The following LRP2 variants were observed in gnomAD, a reference collection of about 807,000 sequenced individuals.
The protein encoded by LRP2 is low-density lipoprotein receptor-related protein 2.
LRP2 carries 172 observed loss-of-function variants against 531.0 expected under a neutral mutation model. The observed-to-expected ratio is 0.32, with a 90% CI of 0.29 to 0.37. The LOEUF (loss-of-function observed/expected upper bound fraction) is 0.37. LRP2 is among the 10% of genes least tolerant of loss of function. The pLI is 1.00. For missense variants in LRP2, 5,167 were observed against 5,868.3 expected (o/e 0.88, Z 3.90); for synonymous variants, 1,992 against 2,027.6 (o/e 0.98, Z 0.47).
intron 40 of LRP2, 142 bp from the exon 41 acceptor site, chr2:169,205,779 CA>C: frequency 2.1e-6 from 2 of 964,616 alleles, no homozygotes; most frequent in South Asian, 2.8e-5. Flanking sequence ...ACAACTTGTC[CA>C]AAGGAGATCT....
At chr2:169,274,699 A>G (rs919658624) in intron 14 of LRP2, among the ~76,000 whole-genome samples, 2 of 152,164 alleles carry the variant, frequency 1.3e-5, no homozygotes, top group Non-Finnish European at 2.9e-5. Context: ...AGTTTGAAAT[A>G]GATGTCTTTC....
At position 169,220,547 on chromosome 2, in the gene LRP2, C is replaced by T. The variant is rs1442050650; in HGVS notation, c.5555G>A (p.Gly1852Glu). The T allele has an allele frequency of 1.9e-6, 3 of 1,611,950 alleles. No homozygotes were observed. The highest frequency in any genetic ancestry group is 1.1e-5 in the South Asian group (1 of 90,930). ...TQSIEVLTLH[G>E]DIRYRKTLIA... ...CAATGTTTTTCTGTATCTGATATCT[C>T]CGTGGAGTGTCAAAACCTATAGCAT... is the stretch of plus-strand genomic sequence containing the variant. The change falls in exon 34 of 79, where the codon GGA becomes GAA. Residue 1852 changes from glycine to glutamate, a missense_variant. Gly to Glu is a moderately conservative substitution (Grantham distance 98). Transcript: ENST00000649046.
intron 16 of LRP2, among the ~76,000 whole-genome samples, chr2:169,268,364 T>C (rs965069563): frequency 6.6e-6 from 1 of 152,120 alleles, no homozygotes; most frequent in African/African-American, 2.4e-5. Context: ...CTCAATAAAA[T>C]ACTGGCAAAC....
Position 169,277,954 on chromosome 2 carries a change from A to G in LRP2, c.1566-3T>C, listed in dbSNP as rs772111926. ...CCCAATCTGAGAAAAATAAATAACT[A>G]CAAAAGAAAAACAGAAGATGAAAGA... On this transcript the variant is annotated splice_region_variant and splice_polypyrimidine_tract_variant and intron_variant, in intron 12 of 78. Transcript: ENST00000649046. 1 of 1,610,168 alleles carries G rather than the reference A, an allele frequency of 6.2e-7. No individual in the cohort carries two copies. The highest frequency in any genetic ancestry group is 8.5e-7 in the Non-Finnish European group (1 of 1,176,566).
chr2:169,275,363 A>G (rs996682947), intron 13 of LRP2, 125 bp from the exon 14 acceptor site: 108 of 740,780 alleles, frequency 1.5e-4, no homozygotes, highest in Non-Finnish European at 2.3e-4. Flanking sequence ...TACGGAATAG[A>G]TAGAAAAGAT....
At position 169,175,325 on chromosome 2, in the gene LRP2, C is replaced by T. The variant is rs1190637453; in HGVS notation, c.10636G>A (p.Ala3546Thr). The T allele has an allele frequency of 6.2e-7, 1 of 1,614,058 alleles. No individual in the cohort carries two copies. Among genetic ancestry groups the T allele is most frequent in the Non-Finnish European group, 8.5e-7 (1 of 1,180,026 alleles). The part of the protein sequence containing the change: ...KDCSDGSDEL[A>T]LCPQRFCRLG... ...CGGCAGAAGCGCTGCGGGCAAAGGG[C>T]CAGTTCATCAGAGCCATCTGAGCAG... Residue 3546 changes from alanine (A) to threonine (T), a missense_variant, in exon 55 of 79, where the codon GCC becomes ACC. Coordinates refer to ENST00000649046, the MANE Select transcript of LRP2 (RefSeq NM_004525.3).
Position 169,259,807 on chromosome 2 carries a change from C to A in LRP2, c.2321-590G>T, listed in dbSNP as rs189337338. 6.0e-5 allele frequency among the ~76,000 whole-genome samples: 9 copies of A among 151,046 alleles called. No homozygotes were observed. The East Asian group carries it at 1.8e-3, about 29-fold the overall frequency. On this transcript the variant is annotated intron_variant, in intron 16 of 78. Transcript: ENST00000649046. The stretch of plus-strand genomic sequence containing the variant: ...TATGCTTTCTTTTACCCTCTTTTTT[C>A]TTTTTTTCACTAAAGAAAATCTGAA...
At chr2:169,270,306 C>T (rs1013350910) in intron 16 of LRP2, among the ~76,000 whole-genome samples, 5 of 152,122 alleles carry the variant, frequency 3.3e-5, no homozygotes, top group Admixed American at 2.6e-4. Flanking sequence ...CACATGCTCA[C>T]GTATGTTTAT....
intron 70 of LRP2, 119 bp from the exon 71 acceptor site, chr2:169,142,912 C>G (rs900437656): frequency 9.3e-7 from 1 of 1,071,472 alleles, no homozygotes; most frequent in Admixed American, 1.7e-5. Context: ...CAATACCTCT[C>G]GTCCACGTGT....
In LRP2 at chr2:169,181,316, G is replaced by A. The variant is rs960014375; in HGVS notation, c.10169+132C>T. The A allele has an allele frequency of 2.4e-5, 20 of 828,778 alleles. 1 individual carries two copies. The South Asian group carries it at 2.6e-4, about 11-fold the overall frequency. 51.3% of individuals were successfully genotyped at this position (828,778 alleles called of 1,614,324 possible). ...GAGCTCAGCAGTTTTAGTTAGAAGT[G>A]TGACTTCCCCCGAATGACTTCCAAC... On this transcript the variant is annotated intron_variant, in intron 52 of 78. Transcript: ENST00000649046.
intron 48 of LRP2, among the ~76,000 whole-genome samples, chr2:169,189,910 C>A (rs146621203): frequency 5.3e-5 from 8 of 151,378 alleles, no homozygotes; most frequent in Admixed American, 1.3e-4. Flanking sequence ...GAACAATGGA[C>A]GAACAAAGAA....
rs1328015427 is a variant in LRP2 at position 169,149,212 on chromosome 2, G to C, written c.12590+1686C>G. On this transcript the variant is annotated intron_variant, in intron 68 of 78. Transcript: ENST00000649046. The stretch of plus-strand genomic sequence containing the variant: ...GTTTATATATGTAGGACACTTAGCA[G>C]AGTAGCTGGCACACAGCAAGAATAG... Among the ~76,000 whole-genome samples, 3 of 152,340 alleles carry C rather than the reference G, an allele frequency of 2.0e-5. No individual in the cohort carries two copies. The East Asian group carries it at 5.8e-4, about 29-fold the overall frequency.
intron 44 of LRP2, among the ~76,000 whole-genome samples, chr2:169,199,353 G>C (rs952851242): frequency 6.6e-6 from 1 of 152,158 alleles, no homozygotes; most frequent in African/African-American, 2.4e-5. Context: ...GCTAACTTTT[G>C]TGTAAGAAAA....
intron 1 of LRP2, among the ~76,000 whole-genome samples, chr2:169,359,638 A>C (rs1686090741): frequency 6.6e-6 from 1 of 152,286 alleles, no homozygotes; most frequent in East Asian, 1.9e-4. Context: ...GCGTCTTAAA[A>C]TGATCAAGTA....
chr2:169,153,001 G>A, intron 66 of LRP2, 37 bp from the exon 67 acceptor site: 2 of 1,603,524 alleles, frequency 1.2e-6, no homozygotes, highest in Non-Finnish European at 1.7e-6. Context: ...TTCATGTCAA[G>A]AGCATCAAGT....
chr2:169,171,975 T>C, intron 58 of LRP2, 40 bp downstream of exon 58: 2 of 1,613,026 alleles, frequency 1.2e-6, no homozygotes, highest in South Asian at 1.1e-5. Context: ...ACATCACAGC[T>C]CTGGTGGTAT....
intron 50 of LRP2, among the ~76,000 whole-genome samples, chr2:169,184,356 G>A (rs1687549253): frequency 6.6e-6 from 1 of 152,198 alleles, no homozygotes; most frequent in African/African-American, 2.4e-5. Flanking sequence ...TGTCAGGCCA[G>A]CTACTGGTCA....
At chr2:169,131,899 A>G (rs1003847752) in intron 77 of LRP2, among the ~76,000 whole-genome samples, 1 of 152,224 alleles carries the variant, frequency 6.6e-6, no homozygotes, top group Non-Finnish European at 1.5e-5. Flanking sequence ...ATTAATACAG[A>G]GTTTAATATC....
intron 68 of LRP2, among the ~76,000 whole-genome samples, chr2:169,150,432 A>G (rs1686078505): frequency 6.6e-6 from 1 of 152,228 alleles, no homozygotes; most frequent in Admixed American, 6.5e-5. Context: ...GAATATTTAT[A>G]CAAATGGATA....
Sources: gnomAD v4.1 joint callset for allele counts (sites outside exome capture counted in the v4.1 genomes callset) on GRCh38, gnomAD v4.1.1 for gene constraint, MANE v1.5 for transcripts, NCBI Gene and HGNC (gene_info 2026-07-23, HGNC 2026-07-21) for gene names.